The following CIRBP variants were observed in gnomAD, a reference collection of about 807,000 sequenced individuals.
CIRBP encodes cold-inducible RNA-binding protein.
A neutral mutation model predicts 22.3 loss-of-function variants in CIRBP; 11 were observed. That is an observed-to-expected ratio of 0.49 (90% confidence interval 0.31 to 0.82). CIRBP has a LOEUF of 0.82. Among genes scored for constraint, CIRBP ranks in the 40% least tolerant of loss-of-function variants. CIRBP has a pLI of 0.05. For missense variants in CIRBP, 456 were observed against 402.7 expected (o/e 1.13, Z -1.13); for synonymous variants, 216 against 158.8 (o/e 1.36, Z -2.71).
chr19:1,272,625 G>A lies in CIRBP; in HGVS notation c.*182G>A, dbSNP rs2081362174. 7 of 506,550 alleles carry A rather than the reference G, an allele frequency of 1.4e-5. No individual in the cohort carries two copies. The East Asian group carries it at 1.8e-4, about 13-fold the overall frequency. 31.4% of individuals were successfully genotyped at this position (506,550 alleles called of 1,614,324 possible). ...TGACGCCGGGATGGCCTCGTTACTA[G>A]ACTTTTCTTTTTAAGGAAGTGCTGT... On this transcript the variant is annotated 3_prime_UTR_variant, in exon 6 of 6. Coordinates refer to ENST00000587896, the MANE Select transcript of CIRBP (RefSeq NM_001300829.2).
intron 5 of CIRBP, 108 bp downstream of exon 5, chr19:1,271,740 C>T: frequency 1.2e-6 from 1 of 800,058 alleles, no homozygotes. Context: ...GGGCAAGGAG[C>T]AGAGGCAGGT....
chr19:1,272,327 T>C lies in CIRBP; in HGVS notation c.778T>C (p.Leu260=). ...RPASLGCGGW[L]LPGRRPRPGL... ...AGCCTCCCTCGGCTGTGGGGGGTGG[T>C]TGCTCCCCGGCCGCAGGCCGCGCCC... Residue 260 remains leucine, a synonymous_variant, in exon 6 of 6, where the codon TTG becomes CTG. Coordinates refer to ENST00000587896, the MANE Select transcript of CIRBP (RefSeq NM_001300829.2). 6.2e-7 allele frequency: 1 copy of C among 1,613,220 alleles called. No individual in the cohort carries two copies. Among genetic ancestry groups the C allele is most frequent in the Non-Finnish European group, 8.5e-7 (1 of 1,179,828 alleles).
chr19:1,271,998 G>A lies in CIRBP; in HGVS notation c.449G>A (p.Gly150Asp), dbSNP rs2081349495. The A allele has an allele frequency of 1.2e-6, 2 of 1,611,380 alleles. No homozygotes were observed. The highest frequency in any genetic ancestry group is 1.7e-6 in the Non-Finnish European group (2 of 1,177,782). The change falls in exon 6 of 6, where the codon GGC (glycine) becomes GAC (aspartate). Residue 150 changes from glycine (G) to aspartate (D), a missense_variant. Physicochemically the swap from Gly to Asp is moderately conservative, Grantham distance 94. Coordinates refer to ENST00000587896, the MANE Select transcript of CIRBP (RefSeq NM_001300829.2). ...TCTTGCAGCCGGAGTCAGAGTGGTG[G>A]CTACAGTGACCGGAGCTCGGGCGGG... ...DYYSSRSQSG[G>D]YSDRSSGGSY...
Position 1,274,181 on chromosome 19 carries a change from T to A in CIRBP, c.*1738T>A. ...GGGCATGCTGGCCTGTGACGGAGCC[T>A]GAGGTCACAGCCCCCTGACTAGCCT... is the stretch of plus-strand genomic sequence containing the variant. On this transcript the variant is annotated 3_prime_UTR_variant, in exon 6 of 6. Coordinates refer to ENST00000587896, the MANE Select transcript of CIRBP (RefSeq NM_001300829.2). 1 of 397,056 alleles carries A rather than the reference T, an allele frequency of 2.5e-6. No homozygotes were observed. 24.6% of individuals were successfully genotyped at this position (397,056 alleles called of 1,614,324 possible). A position where few individuals can be genotyped will look rare whatever the true frequency, so the allele number is the denominator to read the frequency against.
chr19:1,269,645 A>T (rs1319162171), intron 1 of CIRBP, among the ~76,000 whole-genome samples: 1 of 151,644 alleles, frequency 6.6e-6, no homozygotes, highest in Non-Finnish European at 1.5e-5. Flanking sequence ...GGCGGCCGCG[A>T]GCTCGAGGCT....
Position 1,271,355 on chromosome 19 carries a change from A to G in CIRBP, c.237A>G (p.Val79=), listed in dbSNP as rs1263648768. ...CTGTAGATGGACGGCAGATCCGAGT[A>G]GACCAGGCAGGCAAGTCGTCAGACA... ...GKSVDGRQIR[V]DQAGKSSDNR... The change falls in exon 4 of 6, where the codon GTA becomes GTG. Residue 79 remains valine (V), a synonymous_variant. Transcript: ENST00000587896. 3 of 1,613,866 alleles carry G rather than the reference A, an allele frequency of 1.9e-6. No homozygotes were observed. In the African/African-American group the frequency reaches 4.0e-5, roughly 22 times the overall value.
rs901799340 is a variant in CIRBP, at chr19:1,274,150, C to T, written c.*1707C>T. On this transcript the variant is annotated 3_prime_UTR_variant, in exon 6 of 6. Coordinates refer to ENST00000587896, the MANE Select transcript of CIRBP (RefSeq NM_001300829.2). ...CTCCAGCTGCGCCAAGGTGCAGACC[C>T]GCCCTGGGCATGCTGGCCTGTGACG... The T allele has an allele frequency of 7.6e-6, 3 of 393,888 alleles. No homozygotes were observed. The highest frequency in any genetic ancestry group is 3.6e-5 in the East Asian group (1 of 27,842). 24.4% of individuals were successfully genotyped at this position (393,888 alleles called of 1,614,324 possible). A position where few individuals can be genotyped will look rare whatever the true frequency, so the allele number is the denominator to read the frequency against.
chr19:1,271,577 A>T lies in CIRBP; in HGVS notation c.376A>T (p.Asn126Tyr). 1 of 1,574,208 alleles carries T rather than the reference A, an allele frequency of 6.4e-7. No homozygotes were observed. Among genetic ancestry groups the T allele is most frequent in the Non-Finnish European group, 8.6e-7 (1 of 1,162,078 alleles). ...RGGGDRGYGG[N>Y]RFESRSGGYG... ...AGGAGGGGACCGAGGCTATGGGGGGAACCGGTTCGAGTCCAGGAGTGGGGG... is the reference window on the plus strand; with the variant it reads ...AGGAGGGGACCGAGGCTATGGGGGGTACCGGTTCGAGTCCAGGAGTGGGGG... Residue 126 changes from asparagine (N) to tyrosine (Y), a missense_variant, in exon 5 of 6, where the codon AAC becomes TAC. Physicochemically the swap from Asn to Tyr is moderately radical, Grantham distance 143. Coordinates refer to ENST00000587896, the MANE Select transcript of CIRBP (RefSeq NM_001300829.2).
At chr19:1,270,735 T>G in intron 1 of CIRBP, 193 bp from the exon 2 acceptor site, 1 of 573,606 alleles carries the variant, frequency 1.7e-6, no homozygotes, top group East Asian at 3.0e-5. Flanking sequence ...CACTCCAGTC[T>G]GGGTGACAGT....
Position 1,272,690 on chromosome 19 carries a change from A to G in CIRBP, c.*247A>G. The G allele has an allele frequency of 2.6e-6, 1 of 385,892 alleles. No homozygotes were observed. The highest frequency in any genetic ancestry group is 7.8e-5 in the South Asian group (1 of 12,744). 23.9% of individuals were successfully genotyped at this position (385,892 alleles called of 1,614,324 possible). A position where few individuals can be genotyped will look rare whatever the true frequency, so the allele number is the denominator to read the frequency against. On this transcript the variant is annotated 3_prime_UTR_variant, in exon 6 of 6. Transcript: ENST00000587896. ...TTTCAAAACATTTTGAAAAGCATTT[A>G]CTTTTTTGACCACGAGCCATGAGTT...
intron 1 of CIRBP, 169 bp from the exon 2 acceptor site, chr19:1,270,759 C>T: frequency 1.6e-6 from 1 of 609,994 alleles, no homozygotes; most frequent in East Asian, 2.8e-5. Context: ...ACACACTGCC[C>T]CCGACCCCAA....
Position 1,273,853 on chromosome 19 carries a change from G to A in CIRBP, c.*1410G>A, listed in dbSNP as rs921380812. 6.3e-6 allele frequency: 1 copy of A among 158,524 alleles called. No individual in the cohort carries two copies. Among genetic ancestry groups the A allele is most frequent in the African/African-American group, 2.4e-5 (1 of 41,466 alleles). The allele number at this position is 158,524 out of a possible 1,614,324, so 9.8% of individuals were successfully genotyped here. A position where few individuals can be genotyped will look rare whatever the true frequency, so the allele number is the denominator to read the frequency against. Reference sequence around the variant, plus strand: ...GTTTTTGTTTTTTTCAATTAAGCTGGAACTAAAGTCAGGCCCAGCCATTAC... The same window carrying A: ...GTTTTTGTTTTTTTCAATTAAGCTGAAACTAAAGTCAGGCCCAGCCATTAC... On this transcript the variant is annotated 3_prime_UTR_variant, in exon 6 of 6. Coordinates refer to ENST00000587896, the MANE Select transcript of CIRBP (RefSeq NM_001300829.2).
Position 1,274,312 on chromosome 19 carries a change from AGGGGCCC to A in CIRBP, c.*1872_*1878del. ...ACGCTGCTTTGCTTTGGCAGGTTGAAGGGGCCCGGCCAGGACTCGGGGAAGGGTGGCC... is the reference window on the plus strand; with the variant it reads ...ACGCTGCTTTGCTTTGGCAGGTTGAAGGCCAGGACTCGGGGAAGGGTGGCC... On this transcript the variant is annotated 3_prime_UTR_variant, in exon 6 of 6. Transcript: ENST00000587896. The A allele has an allele frequency of 2.5e-6, 1 of 401,268 alleles. No individual in the cohort carries two copies. Among genetic ancestry groups the A allele is most frequent in the Non-Finnish European group, 4.4e-6 (1 of 226,398 alleles). 24.9% of individuals were successfully genotyped at this position (401,268 alleles called of 1,614,324 possible).
intron 5 of CIRBP, 84 bp from the exon 6 acceptor site, chr19:1,271,897 C>A: frequency 8.1e-7 from 1 of 1,235,798 alleles, no homozygotes; most frequent in Non-Finnish European, 1.2e-6. Context: ...GGACGGCTGG[C>A]ATGGGGGCTG....
chr19:1,271,914 C>T (rs2081347657), intron 5 of CIRBP, 67 bp from the exon 6 acceptor site: 2 of 1,426,582 alleles, frequency 1.4e-6, no homozygotes, highest in African/African-American at 2.8e-5. Context: ...GCTGGCGGCT[C>T]AGCCTGTTGT....
chr19:1,271,201 G>A lies in CIRBP; in HGVS notation c.165G>A (p.Glu55=). 1 of 1,614,048 alleles carries A rather than the reference G, an allele frequency of 6.2e-7. No homozygotes were observed. Among genetic ancestry groups the A allele is most frequent in the Non-Finnish European group, 8.5e-7 (1 of 1,180,024 alleles). The change falls in exon 3 of 6, where the codon GAG becomes GAA. Residue 55 remains glutamate, a synonymous_variant. Transcript: ENST00000587896. ...GGGGATTTGGGTTTGTCACCTTTGA[G>A]AACATTGACGACGCTAAGGATGCCA... is the stretch of plus-strand genomic sequence containing the variant. The part of the protein sequence containing the change: ...RSRGFGFVTF[E]NIDDAKDAMM...
chr19:1,274,850 G>T, downstream of CIRBP: 1 of 152,876 alleles, frequency 6.5e-6, no homozygotes, highest in Non-Finnish European at 1.5e-5. Context: ...GGCGGAGCGG[G>T]GCCACTGGAA....
Position 1,272,554 on chromosome 19 carries a change from G to A in CIRBP, c.*111G>A, listed in dbSNP as rs1156243678. 11 of 984,584 alleles carry A rather than the reference G, an allele frequency of 1.1e-5. No homozygotes were observed. The highest frequency in any genetic ancestry group is 4.6e-4 in the Middle Eastern group (2 of 4,388). The allele number at this position is 984,584 out of a possible 1,614,324, so 61.0% of individuals were successfully genotyped here. On this transcript the variant is annotated 3_prime_UTR_variant, in exon 6 of 6. Coordinates refer to ENST00000587896, the MANE Select transcript of CIRBP (RefSeq NM_001300829.2). ...TGCACCTCCTTGTATTCCCACTTTC[G>A]TAGTCATTTCGGTTCTGATCTTGTC...
At chr19:1,270,849 G>GA in intron 1 of CIRBP, 79 bp from the exon 2 acceptor site, 1 of 900,812 alleles carries the variant, frequency 1.1e-6, no homozygotes, top group Non-Finnish European at 1.8e-6. Flanking sequence ...AAAAACACAT[G>GA]TCATTTACAT....
Sources: allele counts gnomAD v4.1 joint callset (sites outside exome capture counted in the v4.1 genomes callset), GRCh38; gene constraint gnomAD v4.1.1; transcripts MANE v1.5; gene names NCBI Gene and HGNC (gene_info 2026-07-23, HGNC 2026-07-21).